KDM1A: variants seen among roughly 807,000 people sequenced by gnomAD.
KDM1A encodes lysine-specific histone demethylase 1A.
Under a neutral mutation model 109.4 loss-of-function variants are expected in KDM1A, and 49 were observed. That is an observed-to-expected ratio of 0.45 (90% CI 0.36 to 0.57). KDM1A has a LOEUF of 0.57. Among genes scored for constraint, KDM1A ranks in the 20% least tolerant of loss-of-function variants. The pLI is 0.00. For synonymous variants in KDM1A, 380 were observed against 415.4 expected (o/e 0.91, Z 1.04); for missense variants, 668 against 1,116.6 (o/e 0.60, Z 5.73).
At chr1:23,024,475 T>C (rs367804471) in intron 1 of KDM1A, among the ~76,000 whole-genome samples, 1 of 152,222 alleles carries the variant, frequency 6.6e-6, no homozygotes, top group African/African-American at 2.4e-5. Context: ...TTTTGAGGAC[T>C]GTACTTTAAC....
Position 23,019,627 on chromosome 1 carries a change from G to T in KDM1A, c.31G>T (p.Ala11Ser), listed in dbSNP as rs752226596. The T allele has an allele frequency of 3.5e-6, 5 of 1,417,028 alleles. No individual in the cohort carries two copies. The Admixed American group carries it at 9.4e-5, about 27-fold the overall frequency. 87.8% of individuals were successfully genotyped at this position (1,417,028 alleles called of 1,614,324 possible). Residue 11 changes from alanine (A) to serine (S), a missense_variant, in exon 1 of 21, where the codon GCG (alanine) becomes TCG (serine). This residue lies in a region of KDM1A where 156 missense variants were observed against 163.4 expected (regional missense o/e 0.95). Transcript: ENST00000400181. Reference sequence around the variant, plus strand: ...ATCTGGGAAGAAGGCGGCAGCCGCGGCGGCGGCGGCTGCAGCGGCAGCAAC... The same window carrying T: ...ATCTGGGAAGAAGGCGGCAGCCGCGTCGGCGGCGGCTGCAGCGGCAGCAAC... Reference protein sequence around the residue: MLSGKKAAAAAAAAAAAATGT... With the variant: MLSGKKAAAASAAAAAAATGT...
intron 11 of KDM1A, 115 bp downstream of exon 11, chr1:23,068,796 T>A: frequency 1.2e-6 from 1 of 863,672 alleles, no homozygotes; most frequent in South Asian, 2.6e-5. Flanking sequence ...TAATTTTGTA[T>A]GAAACCATTG....
chr1:23,073,641 T>C (rs1323237037), intron 15 of KDM1A, among the ~76,000 whole-genome samples: 1 of 152,204 alleles, frequency 6.6e-6, no homozygotes. Context: ...TCCTGCCTCT[T>C]TGTAGTTAAT....
chr1:23,057,384 T>G, intron 7 of KDM1A, 100 bp from the exon 8 acceptor site: 1 of 854,622 alleles, frequency 1.2e-6, no homozygotes, highest in Non-Finnish European at 1.9e-6. Context: ...CTCTACATCT[T>G]TATTTTTAAA....
At chr1:23,034,789 T>C (rs1642093882) in intron 2 of KDM1A, among the ~76,000 whole-genome samples, 1 of 152,224 alleles carries the variant, frequency 6.6e-6, no homozygotes, top group Non-Finnish European at 1.5e-5. Flanking sequence ...CCTGAGACTT[T>C]CATGGAAAGT....
chr1:23,059,300 A>T (rs771142887), intron 9 of KDM1A, 133 bp downstream of exon 9: 2 of 752,424 alleles, frequency 2.7e-6, no homozygotes, highest in South Asian at 1.4e-5. Flanking sequence ...GAGGGTAGAG[A>T]TGATGTGATG....
chr1:23,032,934 C>G (rs1642031545), intron 2 of KDM1A, among the ~76,000 whole-genome samples: 1 of 152,202 alleles, frequency 6.6e-6, no homozygotes, highest in Non-Finnish European at 1.5e-5. Context: ...GAGTCTCGCT[C>G]TGTCGCCCAG....
intron 2 of KDM1A, among the ~76,000 whole-genome samples, chr1:23,042,249 A>G (rs1446254510): frequency 6.6e-6 from 1 of 151,922 alleles, no homozygotes; most frequent in Non-Finnish European, 1.5e-5. Flanking sequence ...TCAGAAACAT[A>G]ATTTGAACGA....
intron 3 of KDM1A, among the ~76,000 whole-genome samples, chr1:23,045,828 T>C (rs1199041915): frequency 6.6e-6 from 1 of 152,170 alleles, no homozygotes; most frequent in Non-Finnish European, 1.5e-5. Context: ...GTGACTGTTG[T>C]AAAACCTTCA....
At chr1:23,033,533 A>G (rs539592350) in intron 2 of KDM1A, among the ~76,000 whole-genome samples, 9 of 152,304 alleles carry the variant, frequency 5.9e-5, no homozygotes, top group African/African-American at 1.7e-4. Flanking sequence ...AAAAAATCCA[A>G]AAAACAAAAC....
chr1:23,024,199 T>C (rs1390874248), intron 1 of KDM1A, among the ~76,000 whole-genome samples: 3 of 152,182 alleles, frequency 2.0e-5, no homozygotes, highest in Non-Finnish European at 4.4e-5. Flanking sequence ...TCATCTTACT[T>C]ACCCTGTTTT....
chr1:23,042,478 A>G (rs1642374753), intron 2 of KDM1A, among the ~76,000 whole-genome samples: 1 of 54,280 alleles, frequency 1.8e-5, no homozygotes, highest in African/African-American at 6.4e-5. Context: ...TTTGAGACGG[A>G]GTCTCGCTCT....
At chr1:23,047,745 A>G (rs1642543001) in intron 3 of KDM1A, among the ~76,000 whole-genome samples, 1 of 151,996 alleles carries the variant, frequency 6.6e-6, no homozygotes, top group Non-Finnish European at 1.5e-5. Context: ...TACAAAATAT[A>G]AAAAAATTAG....
chr1:23,019,834 T>A lies in KDM1A; in HGVS notation c.238T>A (p.Ser80Thr), dbSNP rs1641558012. Residue 80 changes from serine to threonine, a missense_variant, in exon 1 of 21, where the codon TCC (serine) becomes ACC (threonine). Ser to Thr is a moderately conservative substitution (Grantham distance 58). Around this residue, in one of 8 missense-constraint regions of KDM1A, gnomAD observed 156 missense variants for 163.4 expected, o/e 0.95. Coordinates refer to ENST00000400181, the MANE Select transcript of KDM1A (RefSeq NM_001009999.3). ...CGGGGGCCTGGCGGAACCGCCGGGG[T>A]CCGCAGGGCCTCAGGCCGGCCCTAC... ...PPGGLAEPPG[S>T]AGPQAGPTVV... 2.1e-6 allele frequency: 3 copies of A among 1,441,056 alleles called. No homozygotes were observed. The highest frequency in any genetic ancestry group is 1.5e-5 in the African/African-American group (1 of 66,222). 89.3% of individuals were successfully genotyped at this position (1,441,056 alleles called of 1,614,324 possible).
Position 23,079,268 on chromosome 1 carries a change from T to G in KDM1A, c.2055+91T>G, listed in dbSNP as rs1643552308. On this transcript the variant is annotated intron_variant, in intron 17 of 20. Transcript: ENST00000400181. This position sits in a 1 kb window ranked among gnomAD's most constrained non-coding sequence, Gnocchi z 5.6. The stretch of plus-strand genomic sequence containing the variant: ...TGGTGAGGAGGTGGCCTTGCATTTT[T>G]GGGCATTTGGCTATGCTCCCAATTG... The G allele has an allele frequency of 7.3e-7, 1 of 1,365,344 alleles. No homozygotes were observed. Among genetic ancestry groups the G allele is most frequent in the Non-Finnish European group, 1.0e-6 (1 of 991,634 alleles). 84.6% of individuals were successfully genotyped at this position (1,365,344 alleles called of 1,614,324 possible).
intron 15 of KDM1A, among the ~76,000 whole-genome samples, chr1:23,074,079 C>T (rs1040714627): frequency 6.6e-6 from 1 of 152,196 alleles, no homozygotes; most frequent in Non-Finnish European, 1.5e-5. Flanking sequence ...TTCCCATCAG[C>T]AATGTATGAA....
intron 15 of KDM1A, among the ~76,000 whole-genome samples, chr1:23,076,498 G>A (rs1455378077): frequency 1.3e-5 from 2 of 152,158 alleles, no homozygotes; most frequent in African/African-American, 4.8e-5. Flanking sequence ...AAAAGAAAAT[G>A]TAATCAGGAC....
At chr1:23,030,771 G>T in intron 2 of KDM1A, 137 bp downstream of exon 2, 1 of 830,674 alleles carries the variant, frequency 1.2e-6, no homozygotes, top group Non-Finnish European at 1.9e-6. Context: ...CCTGCCATGT[G>T]TGTCTTTGTG....
intron 5 of KDM1A, 147 bp from the exon 6 acceptor site, chr1:23,054,922 C>T: frequency 3.5e-6 from 2 of 570,416 alleles, no homozygotes; most frequent in South Asian, 5.2e-5. Flanking sequence ...CCACCGTGCC[C>T]AGCCTTAGAA....
Sources: gnomAD v4.1 joint callset for allele counts (sites outside exome capture counted in the v4.1 genomes callset) on GRCh38, gnomAD v4.1.1 for gene constraint, gnomAD v4.1.1 regional missense constraint, Gnocchi (gnomAD v3.1) non-coding constraint, MANE v1.5 for transcripts, NCBI Gene and HGNC (gene_info 2026-07-23, HGNC 2026-07-21) for gene names.